The following NID2 variants were observed in gnomAD, a reference collection of about 807,000 sequenced individuals.
NID2 encodes the protein nidogen 2, also known as nidogen-2.
NID2 carries 83 observed loss-of-function variants against 145.4 expected under a neutral mutation model. The observed-to-expected ratio is 0.57, with a 90% CI of 0.48 to 0.69. The LOEUF (loss-of-function observed/expected upper bound fraction) is 0.69, where lower values mean the gene tolerates loss of function less well. Ranked by LOEUF, NID2 falls within the 30% of genes least tolerant of loss-of-function variation. NID2 has a pLI of 0.00. For synonymous variants in NID2, 739 were observed against 701.3 expected (o/e 1.05, Z -0.85); for missense variants, 1,807 against 1,765.7 (o/e 1.02, Z -0.42).
intron 16 of NID2, among the ~76,000 whole-genome samples, chr14:52,013,407 C>A (rs1891102799): frequency 6.6e-6 from 1 of 152,218 alleles, no homozygotes; most frequent in Non-Finnish European, 1.5e-5. Context: ...AAACTCGAAT[C>A]TTAAAAAGAA....
At chr14:52,067,814 C>T (rs1475124968) in intron 2 of NID2, 44 bp downstream of exon 2, 1 of 1,602,100 alleles carries the variant, frequency 6.2e-7, no homozygotes, top group Admixed American at 1.7e-5. Flanking sequence ...AATTTAAGCC[C>T]ATCCTTCAAT....
At chr14:52,028,971 G>A (rs370695818) in intron 10 of NID2, 121 bp from the exon 11 acceptor site, 41 of 962,942 alleles carry the variant, frequency 4.3e-5, no homozygotes, top group East Asian at 1.4e-4. Flanking sequence ...GTTGGCAGAT[G>A]TAGAATTTTT....
chr14:52,015,889 A>G (rs562629418), intron 14 of NID2, among the ~76,000 whole-genome samples: 23 of 152,316 alleles, frequency 1.5e-4, no homozygotes, highest in African/African-American at 5.3e-4. Flanking sequence ...ACTGAGTGGA[A>G]TTAGTAGTAA....
Position 52,042,230 on chromosome 14 carries a change from G to C in NID2, c.1700C>G (p.Thr567Arg), listed in dbSNP as rs150406341. The part of the protein sequence containing the change: ...YIVGNDGRAY[T>R]AISHIPQPAA... The stretch of plus-strand genomic sequence containing the variant: ...TGGCTGTGGGATGTGGCTGATGGCC[G>C]TGTAGGCTCTGCCATCATTGCCCAC... The change falls in exon 7 of 22, where the codon ACG becomes AGG. Residue 567 changes from threonine (T) to arginine (R), a missense_variant. Thr to Arg is a moderately conservative substitution (Grantham distance 71, BLOSUM62 -1). Transcript: ENST00000216286. The C allele has an allele frequency of 1.9e-5, 30 of 1,614,070 alleles. No individual in the cohort carries two copies. The highest frequency in any genetic ancestry group is 2.5e-5 in the Non-Finnish European group (30 of 1,180,038).
At chr14:52,016,700 T>A (rs1339074552) in intron 14 of NID2, among the ~76,000 whole-genome samples, 1 of 152,118 alleles carries the variant, frequency 6.6e-6, no homozygotes, top group African/African-American at 2.4e-5. Flanking sequence ...CCTCACTCTC[T>A]CCAAAACCAG....
At chr14:52,012,523 AG>A (rs1398410151) in intron 16 of NID2, among the ~76,000 whole-genome samples, 1 of 152,166 alleles carries the variant, frequency 6.6e-6, no homozygotes, top group East Asian at 1.9e-4. Flanking sequence ...GCTTGAGCCC[AG>A]GAAGTCAAGG....
intron 11 of NID2, 49 bp downstream of exon 11, chr14:52,028,673 A>C (rs1891684379): frequency 6.2e-7 from 1 of 1,600,530 alleles, no homozygotes; most frequent in East Asian, 2.2e-5. Flanking sequence ...AAAGAGCAAG[A>C]TTAAAGAGCA....
At chr14:52,045,831 G>A (rs1256384058) in intron 5 of NID2, among the ~76,000 whole-genome samples, 1 of 152,184 alleles carries the variant, frequency 6.6e-6, no homozygotes, top group Admixed American at 6.5e-5. Flanking sequence ...ATGAGGGGCT[G>A]CAGAAAGCGC....
chr14:52,042,016 T>G (rs1595037935), intron 7 of NID2, 89 bp downstream of exon 7: 2 of 1,452,830 alleles, frequency 1.4e-6, no homozygotes, highest in Non-Finnish European at 1.8e-6. Flanking sequence ...GATTCCTCTG[T>G]CACTGCGTAA....
In NID2 at chr14:52,027,315, C is replaced by T. The variant is rs1891623746; in HGVS notation, c.2560G>A (p.Asp854Asn). 1 of 1,588,146 alleles carries T rather than the reference C, an allele frequency of 6.3e-7. No individual in the cohort carries two copies. The highest frequency in any genetic ancestry group is 1.8e-5 in the Admixed American group (1 of 55,958). The part of the protein sequence containing the change: ...LITPPANPCE[D>N]GSHTCAPAGQ... ...GCAGGAGCACAGGTATGACTGCCAT[C>T]CTCACAGGGGTTGGCAGGTGGGGTG... The change falls in exon 12 of 22, where the codon GAT (aspartate) becomes AAT (asparagine). Residue 854 changes from aspartate to asparagine, a missense_variant. Transcript: ENST00000216286.
rs1555363668 is a variant in NID2, at chr14:52,030,485, G to GAAAAGA, written c.2258-796_2258-795insTCTTTT. Among the ~76,000 whole-genome samples the GAAAAGA allele has an allele frequency of 3.3e-5, 3 of 89,740 alleles. 1 individual carries two copies. Among genetic ancestry groups the GAAAAGA allele is most frequent in the African/African-American group, 1.3e-4 (3 of 23,200 alleles). 58.9% of individuals were successfully genotyped at this position (89,740 alleles called of 152,430 possible). A position where few individuals can be genotyped will look rare whatever the true frequency, so the allele number is the denominator to read the frequency against. ...AGACCTTATCTCGAGAGAAAGAAAA[G>GAAAAGA]AAAGAAAGAAAGAAAGAGAAAGAAA... On this transcript the variant is annotated intron_variant, in intron 9 of 21. Transcript: ENST00000216286.
chr14:52,068,834 T>C lies in NID2; in HGVS notation c.161A>G (p.Glu54Gly). Reference sequence around the variant, plus strand: ...CGCCAGCTTCACCACGGCTGAGCTTTCGTCGTCGCCTTCCTGCAGGAGCTG... The same window carrying C: ...CGCCAGCTTCACCACGGCTGAGCTTCCGTCGTCGCCTTCCTGCAGGAGCTG... ...GDQLLQEGDD[E>G]SSAVVKLANP... Residue 54 changes from glutamate (E) to glycine (G), a missense_variant, in exon 1 of 22, where the codon GAA becomes GGA. Coordinates refer to ENST00000216286, the MANE Select transcript of NID2 (RefSeq NM_007361.4). 1 of 1,612,582 alleles carries C rather than the reference T, an allele frequency of 6.2e-7. No homozygotes were observed.
chr14:52,022,781 C>T (rs925540890), intron 12 of NID2, among the ~76,000 whole-genome samples: 17 of 152,194 alleles, frequency 1.1e-4, no homozygotes, highest in African/African-American at 3.6e-4. Context: ...GCAAAACCAG[C>T]AGGAACTGTT....
Position 52,038,771 on chromosome 14 carries a change from T to C in NID2, c.2233A>G (p.Thr745Ala). ...DEERVLRFAVTNQIGPVKEDS... is the reference protein window; with the variant it reads ...DEERVLRFAVANQIGPVKEDS... Reference sequence around the variant, plus strand: ...CCTTTGACCGGGCCAATTTGATTGGTCACAGCAAATCTAAGCACTCTTTCT... The same window carrying C: ...CCTTTGACCGGGCCAATTTGATTGGCCACAGCAAATCTAAGCACTCTTTCT... Residue 745 changes from threonine (T) to alanine (A), a missense_variant, in exon 9 of 22, where the codon ACC becomes GCC. By Grantham distance (58) the Thr-to-Ala change is moderately conservative (BLOSUM62 0). Transcript: ENST00000216286. The C allele has an allele frequency of 6.3e-7, 1 of 1,592,294 alleles. No homozygotes were observed. The highest frequency in any genetic ancestry group is 8.6e-7 in the Non-Finnish European group (1 of 1,169,440).
chr14:52,058,560 T>A (rs1351291076), intron 3 of NID2, among the ~76,000 whole-genome samples: 1 of 152,214 alleles, frequency 6.6e-6, no homozygotes, highest in African/African-American at 2.4e-5. Flanking sequence ...GGAAATGCTG[T>A]CTGTGTGTTT....
At chr14:52,036,181 T>C (rs1892063846) in intron 9 of NID2, among the ~76,000 whole-genome samples, 1 of 152,310 alleles carries the variant, frequency 6.6e-6, no homozygotes, top group South Asian at 2.1e-4. Flanking sequence ...ATGCTCTCAT[T>C]ATCTCTTAGC....
rs764506643 is a variant in NID2, at chr14:52,015,039, C to A, written c.3250+15G>T. 6.2e-7 allele frequency: 1 copy of A among 1,601,874 alleles called. No individual in the cohort carries two copies. Among genetic ancestry groups the A allele is most frequent in the Non-Finnish European group, 8.5e-7 (1 of 1,172,914 alleles). On this transcript the variant is annotated intron_variant, in intron 15 of 21. Coordinates refer to ENST00000216286, the MANE Select transcript of NID2 (RefSeq NM_007361.4). ...TAGATACAGCTGAGGGGAGCGGGGGCGGCCAGGTGCTTACACGCAGGGGTG... is the reference window on the plus strand; with the variant it reads ...TAGATACAGCTGAGGGGAGCGGGGGAGGCCAGGTGCTTACACGCAGGGGTG...
At chr14:52,035,387 AGCT>A (rs1181733193) in intron 9 of NID2, among the ~76,000 whole-genome samples, 6 of 152,220 alleles carry the variant, frequency 3.9e-5, no homozygotes, top group Non-Finnish European at 7.3e-5. Context: ...TTTTCAGACT[AGCT>A]GCTTTCACAG....
intron 2 of NID2, among the ~76,000 whole-genome samples, chr14:52,062,312 GTTTA>G (rs1190208281): frequency 6.6e-6 from 1 of 152,160 alleles, no homozygotes; most frequent in Non-Finnish European, 1.5e-5. Context: ...CAGGTGCCTA[GTTTA>G]TTTGTTATTG....
Sources: allele counts gnomAD v4.1 joint callset (sites outside exome capture counted in the v4.1 genomes callset), GRCh38; gene constraint gnomAD v4.1.1; transcripts MANE v1.5; gene names NCBI Gene and HGNC (gene_info 2026-07-23, HGNC 2026-07-21).